RBFOX1: variants seen among roughly 807,000 people sequenced by gnomAD.
RBFOX1 encodes the protein RNA binding fox-1 homolog 1.
Under a neutral mutation model 57.7 loss-of-function variants are expected in RBFOX1, and 8 were observed. That is an observed-to-expected ratio of 0.14 (90% confidence interval 0.08 to 0.25). The LOEUF (loss-of-function observed/expected upper bound fraction) is 0.25, where lower values mean the gene tolerates loss of function less well. RBFOX1 is among the 10% of genes least tolerant of loss of function. The pLI is 1.00. For synonymous variants in RBFOX1, 326 were observed against 222.4 expected, an observed-to-expected ratio of 1.47 and a Z score of -4.15; for missense variants, 611 against 548.5, an observed-to-expected ratio of 1.11 and a Z score of -1.14.
At chr16:5,964,912 G>A (rs2059815203) in intron 4 of RBFOX1, among the ~76,000 whole-genome samples, 1 of 152,074 alleles carries the variant, frequency 6.6e-6, no homozygotes, top group Admixed American at 6.6e-5. Context: ...ATATAGATAT[G>A]TTTGTGTGTT....
chr16:5,932,610 C>T (rs1215027302), intron 4 of RBFOX1, among the ~76,000 whole-genome samples: 6 of 152,274 alleles, frequency 3.9e-5, no homozygotes, highest in Middle Eastern at 3.4e-3. Flanking sequence ...CAAACACACT[C>T]TTTAAGTAAA....
intron 4 of RBFOX1, among the ~76,000 whole-genome samples, chr16:7,166,163 G>C (rs1181709247): frequency 6.6e-6 from 1 of 152,058 alleles, no homozygotes; most frequent in Non-Finnish European, 1.5e-5. Flanking sequence ...ACAGGTGCAT[G>C]CCAGCACACC....
Position 6,364,738 on chromosome 16 carries a change from C to A in RBFOX1, c.-64+47681C>A, listed in dbSNP as rs117933920. Among the ~76,000 whole-genome samples, 93 of 151,952 alleles carry A rather than the reference C, an allele frequency of 6.1e-4. 1 individual carries two copies. In the East Asian group the frequency reaches 0.016, roughly 26 times the overall value. On this transcript the variant is annotated intron_variant, in intron 2 of 15. Transcript: ENST00000550418. ...TCTCACCCTGAATTACACATTTAAA[C>A]CCCACAAATATCAGAGGACATTCTA...
At position 6,019,626 on chromosome 16, in the gene RBFOX1, A is replaced by G; in HGVS notation, c.-493A>G. On this transcript the variant is annotated 5_prime_UTR_variant, in exon 1 of 16. Coordinates refer to ENST00000550418, the MANE Select transcript of RBFOX1 (RefSeq NM_018723.4). This position sits in a 1 kb window ranked among gnomAD's most constrained non-coding sequence, Gnocchi z 4.2. ...AGGAGTGAGCCGAGCCGAGCACCCCACATCTGGAGGGGACAGCCAGCCGTG... is the reference window on the plus strand; with the variant it reads ...AGGAGTGAGCCGAGCCGAGCACCCCGCATCTGGAGGGGACAGCCAGCCGTG... 7.9e-7 allele frequency: 1 copy of G among 1,268,588 alleles called. No homozygotes were observed. Among genetic ancestry groups the G allele is most frequent in the East Asian group, 3.2e-5 (1 of 31,706 alleles). 78.6% of individuals were successfully genotyped at this position (1,268,588 alleles called of 1,614,324 possible).
intron 4 of RBFOX1, among the ~76,000 whole-genome samples, chr16:7,355,897 A>C (rs2097206553): frequency 1.3e-5 from 2 of 152,224 alleles, no homozygotes; most frequent in Non-Finnish European, 2.9e-5. Context: ...CTAGCTGCTG[A>C]CAGCCAAAGG....
At chr16:7,216,661 AAAAT>A (rs1456960373) in intron 4 of RBFOX1, among the ~76,000 whole-genome samples, 1 of 133,766 alleles carries the variant, frequency 7.5e-6, no homozygotes, top group African/African-American at 2.5e-5. Flanking sequence ...CCGTCAAAAT[AAAAT>A]AAAAATTAAA....
intron 4 of RBFOX1, among the ~76,000 whole-genome samples, chr16:5,942,784 T>A (rs1597886443): frequency 6.6e-6 from 1 of 152,160 alleles, no homozygotes; most frequent in East Asian, 1.9e-4. Flanking sequence ...CTGATATAAT[T>A]TTCTCACTGT....
intron 4 of RBFOX1, among the ~76,000 whole-genome samples, chr16:7,456,636 C>T (rs927005115): frequency 6.6e-6 from 1 of 152,182 alleles, no homozygotes; most frequent in African/African-American, 2.4e-5. Flanking sequence ...CACACCTTCA[C>T]GTGCATTTTG....
chr16:6,966,951 TATC>T (rs926260887), intron 3 of RBFOX1, among the ~76,000 whole-genome samples: 5 of 151,978 alleles, frequency 3.3e-5, no homozygotes, highest in African/African-American at 1.2e-4. Context: ...GCCTACCTAT[TATC>T]TATTTGCCTA....
At chr16:6,949,934 C>A (rs1196801080) in intron 3 of RBFOX1, among the ~76,000 whole-genome samples, 1 of 126,050 alleles carries the variant, frequency 7.9e-6, no homozygotes, top group Non-Finnish European at 1.7e-5. Context: ...TCCCTGAGTA[C>A]GTTTTTTTGT....
At chr16:6,445,561 C>CTTTTT in intron 2 of RBFOX1, among the ~76,000 whole-genome samples, 1 of 114,866 alleles carries the variant, frequency 8.7e-6, no homozygotes, top group Non-Finnish European at 1.7e-5. Flanking sequence ...CTCTGAACTC[C>CTTTTT]TTTTTTTTTT....
chr16:7,094,070 A>G (rs1247251429), intron 4 of RBFOX1, among the ~76,000 whole-genome samples: 1 of 150,488 alleles, frequency 6.6e-6, no homozygotes, highest in African/African-American at 2.4e-5. Context: ...GATCAGAGCA[A>G]AACATACTAG....
At chr16:6,723,505 T>C (rs1418145740) in intron 3 of RBFOX1, among the ~76,000 whole-genome samples, 2 of 152,248 alleles carry the variant, frequency 1.3e-5, no homozygotes, top group African/African-American at 4.8e-5. Context: ...AATACAATTA[T>C]AGATTGTGTT....
chr16:7,071,300 T>C (rs114687901), intron 4 of RBFOX1, among the ~76,000 whole-genome samples: 1,535 of 152,054 alleles, frequency 0.01, 30 homozygotes, highest in African/African-American at 0.035. Context: ...GTAGGTGGTG[T>C]GAAAAGGTAG....
intron 3 of RBFOX1, among the ~76,000 whole-genome samples, chr16:5,833,330 A>G (rs1330338293): frequency 1.3e-5 from 2 of 151,894 alleles, no homozygotes. Flanking sequence ...CATCTCTACT[A>G]AAAATATAAA....
intron 2 of RBFOX1, among the ~76,000 whole-genome samples, chr16:6,517,140 C>A (rs1598696313): frequency 6.6e-6 from 1 of 152,122 alleles, no homozygotes; most frequent in South Asian, 2.1e-4. Flanking sequence ...CAAGACATTT[C>A]CCAGTACATG....
intron 4 of RBFOX1, among the ~76,000 whole-genome samples, chr16:6,008,756 C>T (rs562064041): frequency 3.3e-5 from 5 of 152,326 alleles, no homozygotes; most frequent in South Asian, 2.1e-4. Flanking sequence ...TAAGTACCTA[C>T]GTTTTGGTTC....
intron 3 of RBFOX1, among the ~76,000 whole-genome samples, chr16:6,941,348 TTCCTTCC>T (rs2078477730): frequency 7.4e-6 from 1 of 134,804 alleles, no homozygotes; most frequent in South Asian, 2.6e-4. Context: ...CCTTCCTTCC[TTCCTTCC>T]TTCTCTATGG....
chr16:7,252,276 C>A (rs542760405), intron 4 of RBFOX1, among the ~76,000 whole-genome samples: 4 of 152,174 alleles, frequency 2.6e-5, no homozygotes, highest in Admixed American at 1.3e-4. Context: ...AAATTTTAAG[C>A]TTTTCCTCCA....
Sources: allele counts gnomAD v4.1 joint callset (sites outside exome capture counted in the v4.1 genomes callset), GRCh38; gene constraint gnomAD v4.1.1; non-coding constraint Gnocchi (gnomAD v3.1); transcripts MANE v1.5; gene names NCBI Gene and HGNC (gene_info 2026-07-23, HGNC 2026-07-21).